PCDHA1: variants seen among roughly 807,000 people sequenced by gnomAD.
PCDHA1 encodes protocadherin alpha 1.
A neutral mutation model predicts 61.3 loss-of-function variants in PCDHA1; 42 were observed. That is an observed-to-expected ratio of 0.69 (90% CI 0.54 to 0.89). The LOEUF (loss-of-function observed/expected upper bound fraction) is 0.89, where lower values mean the gene tolerates loss of function less well. Among genes scored for constraint, PCDHA1 ranks in the 40% least tolerant of loss-of-function variants. The pLI is 0.00. For missense variants in PCDHA1, 1,256 were observed against 1,235.3 expected (o/e 1.02, Z -0.25); for synonymous variants, 610 against 553.8 (o/e 1.10, Z -1.43).
intron 1 of PCDHA1, chr5:140,802,970 A>T (rs781822296): frequency 6.2e-7 from 1 of 1,613,964 alleles, no homozygotes; most frequent in Non-Finnish European, 8.5e-7. Context: ...GCCACGTGGT[A>T]GCGAAGGTGC....
chr5:140,791,363 C>A (rs1438770974), intron 1 of PCDHA1, among the ~76,000 whole-genome samples: 1 of 152,208 alleles, frequency 6.6e-6, no homozygotes, highest in Non-Finnish European at 1.5e-5. Flanking sequence ...CTGGTTGATA[C>A]TGAGACACCA....
At chr5:140,809,652 C>A in intron 1 of PCDHA1, 1 of 1,493,130 alleles carries the variant, frequency 6.7e-7, no homozygotes, top group South Asian at 1.4e-5. Flanking sequence ...TTCTAAGAGT[C>A]AAATTTCCCT....
At chr5:140,982,694 A>G in intron 3 of PCDHA1, 131 bp downstream of exon 3, 1 of 1,402,998 alleles carries the variant, frequency 7.1e-7, no homozygotes, top group Non-Finnish European at 9.4e-7. Flanking sequence ...TTCCATACAT[A>G]CATGATTTCC....
At chr5:140,886,631 G>T (rs1314948402) in intron 1 of PCDHA1, among the ~76,000 whole-genome samples, 1 of 151,860 alleles carries the variant, frequency 6.6e-6, no homozygotes. Context: ...TCCGAGACCA[G>T]CCTGGCCAAC....
At chr5:140,797,541 CTG>C in intron 1 of PCDHA1, 1 of 754,938 alleles carries the variant, frequency 1.3e-6, no homozygotes. Context: ...ATCTACATAA[CTG>C]TTTTCTTATT....
intron 1 of PCDHA1, among the ~76,000 whole-genome samples, chr5:140,953,196 TA>T (rs1166571162): frequency 6.6e-6 from 1 of 152,156 alleles, no homozygotes; most frequent in Non-Finnish European, 1.5e-5. Context: ...TTGATTAGAC[TA>T]AAAATGCAAA....
intron 3 of PCDHA1, among the ~76,000 whole-genome samples, chr5:141,002,222 G>A (rs1278350490): frequency 2.0e-5 from 3 of 152,212 alleles, no homozygotes; most frequent in Non-Finnish European, 4.4e-5. Context: ...AAAATGATGG[G>A]TTTTCTGGAA....
chr5:140,922,477 C>T (rs1233589980), intron 1 of PCDHA1, among the ~76,000 whole-genome samples: 2 of 152,124 alleles, frequency 1.3e-5, no homozygotes, highest in African/African-American at 2.4e-5. Context: ...GGAGAGAAGG[C>T]AGGACTAAAT....
chr5:140,977,266 A>G (rs2096753154), intron 1 of PCDHA1, among the ~76,000 whole-genome samples: 3 of 152,240 alleles, frequency 2.0e-5, no homozygotes, highest in Admixed American at 1.3e-4. Context: ...CAGATGTTAC[A>G]GTCTTTCTCA....
At chr5:140,815,798 C>T (rs1286964412) in intron 1 of PCDHA1, 3 of 152,150 alleles carry the variant, frequency 2.0e-5, no homozygotes, top group Non-Finnish European at 4.4e-5. Flanking sequence ...TTTTGTTTAA[C>T]TGGGAAGGTC....
chr5:140,934,209 C>G (rs1554209791), intron 1 of PCDHA1, among the ~76,000 whole-genome samples: 1 of 152,068 alleles, frequency 6.6e-6, no homozygotes, highest in Non-Finnish European at 1.5e-5. Context: ...TTTCCTCACA[C>G]AAAATGTTTA....
At chr5:140,955,157 T>A (rs1554221797) in intron 1 of PCDHA1, among the ~76,000 whole-genome samples, 1 of 152,198 alleles carries the variant, frequency 6.6e-6, no homozygotes, top group Non-Finnish European at 1.5e-5. Context: ...ACCAGTACCG[T>A]GCTGTTTTGG....
chr5:140,858,383 A>G lies in PCDHA1; in HGVS notation c.2394+69699A>G, dbSNP rs181849631. Reference sequence around the variant, plus strand: ...CAGCCCCAGCCTTCCACCATGCCCAATGGTAGATGTGGACGGGGAAGATCA... The same window carrying G: ...CAGCCCCAGCCTTCCACCATGCCCAGTGGTAGATGTGGACGGGGAAGATCA... On this transcript the variant is annotated intron_variant, in intron 1 of 3. Transcript: ENST00000504120. 1,813 of 1,584,980 alleles carry G rather than the reference A, an allele frequency of 1.1e-3. 172 individuals are homozygous for G. Among genetic ancestry groups the G allele is most frequent in the Non-Finnish European group, 1.3e-3 (1,523 of 1,159,242 alleles).
intron 1 of PCDHA1, chr5:140,875,493 A>T: frequency 6.2e-7 from 1 of 1,612,928 alleles, no homozygotes; most frequent in South Asian, 1.1e-5. Flanking sequence ...TCGGACCAAG[A>T]GGCCCGGGAT....
chr5:140,929,428 G>A, intron 1 of PCDHA1: 1 of 1,491,484 alleles, frequency 6.7e-7, no homozygotes. Flanking sequence ...TTCATCAATT[G>A]AACTAAACAC....
intron 1 of PCDHA1, among the ~76,000 whole-genome samples, chr5:140,941,542 C>T (rs782270560): frequency 4.0e-5 from 6 of 151,842 alleles, no homozygotes; most frequent in Non-Finnish European, 7.4e-5. Context: ...GTCTTGAACT[C>T]CTGACCTCGT....
At chr5:140,863,561 A>G (rs1581693390) in intron 1 of PCDHA1, 1 of 376,820 alleles carries the variant, frequency 2.7e-6, no homozygotes. Flanking sequence ...GAAATTTTTG[A>G]GAATATAAGT....
chr5:140,928,424 C>A, intron 1 of PCDHA1: 1 of 1,614,184 alleles, frequency 6.2e-7, no homozygotes, highest in Non-Finnish European at 8.5e-7. Context: ...ACTGCCAAAA[C>A]TTCCTTTGAC....
intron 1 of PCDHA1, chr5:140,829,598 G>T (rs2150170888): frequency 3.7e-6 from 6 of 1,611,956 alleles, no homozygotes; most frequent in East Asian, 2.2e-5. Context: ...GGGCGAGCGC[G>T]CGTTGTCGAG....
Sources: allele counts gnomAD v4.1 joint callset (sites outside exome capture counted in the v4.1 genomes callset), GRCh38; gene constraint gnomAD v4.1.1; transcripts MANE v1.5; gene names NCBI Gene and HGNC (gene_info 2026-07-23, HGNC 2026-07-21).